The following UROC1 variants were observed in gnomAD, a reference collection of about 807,000 sequenced individuals.
UROC1 encodes the protein urocanate hydratase 1, also known as urocanate hydratase.
UROC1 carries 79 observed loss-of-function variants against 89.5 expected under a neutral mutation model. That is an observed-to-expected ratio of 0.88 (90% CI 0.74 to 1.06). UROC1 has a LOEUF of 1.06. UROC1 is among the 50% of genes least tolerant of loss of function. The pLI is 0.00. For synonymous variants in UROC1, 361 were observed against 354.8 expected, an observed-to-expected ratio of 1.02 and a Z score of -0.20; for missense variants, 885 against 907.8, an observed-to-expected ratio of 0.97 and a Z score of 0.32.
chr3:126,490,391 T>C (rs1935615842), intron 16 of UROC1, among the ~76,000 whole-genome samples: 1 of 152,120 alleles, frequency 6.6e-6, no homozygotes, highest in African/African-American at 2.4e-5. Context: ...AGGCCTGCTA[T>C]GAAAAGGAGT....
At chr3:126,504,423 A>G (rs1687440) in intron 8 of UROC1, among the ~76,000 whole-genome samples, 117,487 of 152,106 alleles carry the variant, frequency 0.77, 47,103 homozygotes, top group Non-Finnish European at 0.89. Context: ...ATAAAAGGAG[A>G]GGGTTTGGAG....
chr3:126,508,378 G>A (rs1457367250), intron 4 of UROC1, 38 bp downstream of exon 4: 9 of 1,606,152 alleles, frequency 5.6e-6, no homozygotes, highest in Non-Finnish European at 7.7e-6. Context: ...CTAGAGGAAA[G>A]GCCAGGGGTG....
chr3:126,516,966 T>A (rs1276386932), intron 1 of UROC1, among the ~76,000 whole-genome samples: 2 of 151,956 alleles, frequency 1.3e-5, no homozygotes, highest in Non-Finnish European at 2.9e-5. Context: ...TATAACCGTG[T>A]CACCTACTTT....
rs777691085 is a variant in UROC1 at position 126,488,231 on chromosome 3, C to G, written c.1757G>C (p.Trp586Ser). 6.2e-7 allele frequency: 1 copy of G among 1,614,246 alleles called. No homozygotes were observed. ...FVGDACRGAT[W>S]VALHNGGGVG... The stretch of plus-strand genomic sequence containing the variant: ...GCCCCCTCCGTTGTGAAGGGCGACC[C>G]AGGTGGCTCCGCGACAGGCATCTCC... Residue 586 changes from tryptophan (W) to serine (S), a missense_variant, in exon 18 of 20, where the codon TGG (tryptophan) becomes TCG (serine). By Grantham distance (177) the Trp-to-Ser change is radical. Coordinates refer to ENST00000290868, the MANE Select transcript of UROC1 (RefSeq NM_144639.3).
intron 16 of UROC1, 71 bp from the exon 17 acceptor site, chr3:126,489,446 A>C: frequency 7.7e-7 from 1 of 1,294,208 alleles, no homozygotes; most frequent in Middle Eastern, 1.9e-4. Flanking sequence ...ACTGAGGACA[A>C]GGGGCAGGTC....
At chr3:126,492,151 A>C (rs541569708) in intron 16 of UROC1, among the ~76,000 whole-genome samples, 1 of 151,548 alleles carries the variant, frequency 6.6e-6, no homozygotes, top group South Asian at 2.1e-4. Flanking sequence ...GAGCCCTACT[A>C]CTCAGCTGGT....
intron 9 of UROC1, 115 bp from the exon 10 acceptor site, chr3:126,501,395 G>A (rs1368606413): frequency 8.0e-7 from 1 of 1,245,242 alleles, no homozygotes; most frequent in Admixed American, 1.7e-5. Context: ...CAGAGGTGTT[G>A]TGTGCAAACG....
At chr3:126,514,824 G>C (rs1936264713) in intron 1 of UROC1, among the ~76,000 whole-genome samples, 1 of 151,816 alleles carries the variant, frequency 6.6e-6, no homozygotes, top group African/African-American at 2.4e-5. Flanking sequence ...TGGTGTCATT[G>C]TTTTCATCTT....
At chr3:126,508,224 G>C (rs1311615626) in intron 4 of UROC1, 129 bp from the exon 5 acceptor site, 8 of 1,551,054 alleles carry the variant, frequency 5.2e-6, no homozygotes, top group African/African-American at 2.7e-5. Flanking sequence ...AGTGGCCCTG[G>C]TGCCTCCCTC....
intron 19 of UROC1, among the ~76,000 whole-genome samples, chr3:126,482,695 C>A (rs557876826): frequency 6.6e-6 from 1 of 152,134 alleles, no homozygotes; most frequent in African/African-American, 2.4e-5. Flanking sequence ...GGTCATCACA[C>A]TCAGTCCTGC....
chr3:126,486,629 A>G (rs1260418214), intron 18 of UROC1, among the ~76,000 whole-genome samples: 2 of 152,258 alleles, frequency 1.3e-5, no homozygotes, highest in East Asian at 3.8e-4. Flanking sequence ...AGTGGAGCCA[A>G]CAGACAAGTG....
intron 11 of UROC1, 131 bp from the exon 12 acceptor site, chr3:126,500,285 G>A (rs765985562): frequency 1.2e-6 from 1 of 862,296 alleles, no homozygotes; most frequent in Admixed American, 2.0e-5. Flanking sequence ...CTGCTCCTCG[G>A]GTCGGCACCA....
In UROC1 at chr3:126,508,436, C is replaced by T. The variant is rs776306436; in HGVS notation, c.391G>A (p.Val131Met). 1.2e-6 allele frequency: 2 copies of T among 1,613,968 alleles called. No individual in the cohort carries two copies. Among genetic ancestry groups the T allele is most frequent in the Admixed American group, 1.7e-5 (1 of 60,002 alleles). Reference sequence around the variant, plus strand: ...AGTACCTGAGCCCAGTTGCTGAACACCTGCCCATTTCCTCCATAGGTCACC... The same window carrying T: ...AGTACCTGAGCCCAGTTGCTGAACATCTGCCCATTTCCTCCATAGGTCACC... ...ELVTYGGNGQVFSNWAQFWLT... is the reference protein window; with the variant it reads ...ELVTYGGNGQMFSNWAQFWLT... The change falls in exon 4 of 20, where the codon GTG becomes ATG. Residue 131 changes from valine (V) to methionine (M), a missense_variant. By Grantham distance (21) the Val-to-Met change is conservative (BLOSUM62 1). Coordinates refer to ENST00000290868, the MANE Select transcript of UROC1 (RefSeq NM_144639.3).
chr3:126,488,335 C>T, intron 17 of UROC1, 56 bp from the exon 18 acceptor site: 1 of 1,601,240 alleles, frequency 6.2e-7, no homozygotes, highest in Non-Finnish European at 8.6e-7. Context: ...GGGCACCTGG[C>T]TCAGTCAGGC....
intron 9 of UROC1, chr3:126,502,035 G>C (rs1284797450): frequency 1.4e-6 from 2 of 1,404,790 alleles, no homozygotes; most frequent in Non-Finnish European, 9.4e-7. Flanking sequence ...CAGGTTGCTC[G>C]AGACAGTTCC....
Position 126,508,535 on chromosome 3 carries a change from A to G in UROC1, c.352-60T>C. The G allele has an allele frequency of 2.1e-6, 3 of 1,461,854 alleles. No individual in the cohort carries two copies. In the South Asian group the frequency reaches 3.5e-5, roughly 17 times the overall value. The allele number at this position is 1,461,854 out of a possible 1,614,324, so 90.6% of individuals were successfully genotyped here. On this transcript the variant is annotated intron_variant, in intron 3 of 19. Transcript: ENST00000290868. ...CTGGGAAGGGCCTATGGAGTTGCAG[A>G]CAGGGAGAGAAAGGGCCCCCATCCC...
At chr3:126,494,835 C>A (rs900810498) in intron 15 of UROC1, among the ~76,000 whole-genome samples, 15 of 151,678 alleles carry the variant, frequency 9.9e-5, no homozygotes, top group Admixed American at 3.3e-4. Flanking sequence ...ACCCACCCCT[C>A]CCTGCTGGTG....
chr3:126,510,830 G>A, intron 1 of UROC1, 36 bp from the exon 2 acceptor site: 2 of 1,606,194 alleles, frequency 1.2e-6, no homozygotes, highest in Admixed American at 1.7e-5. Flanking sequence ...TCGGGGCTGG[G>A]ACTCCAGGCC....
In UROC1 at chr3:126,482,302, C is replaced by A. The variant is rs200508602; in HGVS notation, c.*43G>T. 6.2e-4 allele frequency: 989 copies of A among 1,607,758 alleles called. 8 individuals carry two copies. The African/African-American group carries it at 0.012, about 19-fold the overall frequency. On this transcript the variant is annotated 3_prime_UTR_variant, in exon 20 of 20. Transcript: ENST00000290868. ...GTGCCATGGCTGGGCAGGTGAGGAT[C>A]GCCAGGGAGGAAGGGAGGCAGGGGC...
Sources: allele counts gnomAD v4.1 joint callset (sites outside exome capture counted in the v4.1 genomes callset), GRCh38; gene constraint gnomAD v4.1.1; transcripts MANE v1.5; gene names NCBI Gene and HGNC (gene_info 2026-07-23, HGNC 2026-07-21).